AOAH: variants seen among roughly 807,000 people sequenced by gnomAD.
AOAH encodes acyloxyacyl hydrolase.
AOAH carries 64 observed loss-of-function variants against 92.2 expected under a neutral mutation model. The observed-to-expected ratio is 0.69, with a 90% CI of 0.57 to 0.86. The LOEUF (loss-of-function observed/expected upper bound fraction) is 0.86. AOAH is among the 40% of genes least tolerant of loss of function. The probability of loss-of-function intolerance (pLI) is 0.00; values close to 1 mark genes in which losing one functional copy is unlikely to be tolerated. For missense variants in AOAH, 656 were observed against 694.6 expected (o/e 0.94, Z 0.62); for synonymous variants, 263 against 254.5 (o/e 1.03, Z -0.32).
chr7:36,601,123 TAG>T (rs1790549362), intron 11 of AOAH, among the ~76,000 whole-genome samples: 1 of 152,094 alleles, frequency 6.6e-6, no homozygotes, highest in African/African-American at 2.4e-5. Flanking sequence ...TCTGGGAGAA[TAG>T]AGAGAGGATA....
intron 14 of AOAH, among the ~76,000 whole-genome samples, chr7:36,549,087 C>T (rs146684738): frequency 6.6e-6 from 1 of 152,302 alleles, no homozygotes; most frequent in East Asian, 1.9e-4. Context: ...AAGGCAAAGG[C>T]TTCTTGAGGC....
intron 2 of AOAH, among the ~76,000 whole-genome samples, chr7:36,681,815 T>A (rs1796663010): frequency 6.6e-6 from 1 of 151,856 alleles, no homozygotes; most frequent in Non-Finnish European, 1.5e-5. Context: ...AATAAATAAA[T>A]AAATAAATAA....
chr7:36,572,909 G>A (rs755016329), intron 13 of AOAH, among the ~76,000 whole-genome samples: 5 of 152,250 alleles, frequency 3.3e-5, no homozygotes, highest in Non-Finnish European at 7.3e-5. Flanking sequence ...TCTCCCCCAG[G>A]AGGATGGGGA....
At chr7:36,537,719 C>T (rs1391769178) in intron 16 of AOAH, among the ~76,000 whole-genome samples, 5 of 152,044 alleles carry the variant, frequency 3.3e-5, no homozygotes. Flanking sequence ...GGCAGGGTTT[C>T]ACCATGTTGG....
At chr7:36,669,426 A>G (rs1017956832) in intron 3 of AOAH, among the ~76,000 whole-genome samples, 14 of 135,062 alleles carry the variant, frequency 1.0e-4, no homozygotes, top group Non-Finnish European at 2.1e-4. Flanking sequence ...TCTGTTGCCC[A>G]GGCTGGAGTG....
chr7:36,581,693 G>A (rs1256921304), intron 12 of AOAH, among the ~76,000 whole-genome samples: 1 of 152,158 alleles, frequency 6.6e-6, no homozygotes, highest in African/African-American at 2.4e-5. Flanking sequence ...TGCTCATGAA[G>A]AGTAAATAGT....
At chr7:36,678,885 T>C (rs569578605) in intron 2 of AOAH, among the ~76,000 whole-genome samples, 3 of 152,304 alleles carry the variant, frequency 2.0e-5, no homozygotes, top group South Asian at 4.1e-4. Context: ...TTGTTACTGA[T>C]ACACCTGAAG....
chr7:36,659,337 G>T, intron 3 of AOAH, 72 bp from the exon 4 acceptor site: 1 of 1,276,086 alleles, frequency 7.8e-7, no homozygotes, highest in Non-Finnish European at 1.1e-6. Flanking sequence ...CTACTGCAAA[G>T]AAAGGTAAAT....
intron 1 of AOAH, among the ~76,000 whole-genome samples, chr7:36,700,195 A>T (rs1797948091): frequency 6.6e-6 from 1 of 152,022 alleles, no homozygotes; most frequent in Non-Finnish European, 1.5e-5. Context: ...ACATTTGTAT[A>T]CATATAAGGG....
At chr7:36,707,009 T>G (rs916824782) in intron 1 of AOAH, among the ~76,000 whole-genome samples, 36 of 149,886 alleles carry the variant, frequency 2.4e-4, no homozygotes, top group Non-Finnish European at 4.3e-4. Context: ...AGTGGAATAG[T>G]GCTTTAATTT....
chr7:36,593,696 G>A (rs1789906848), intron 12 of AOAH, among the ~76,000 whole-genome samples: 1 of 152,188 alleles, frequency 6.6e-6, no homozygotes, highest in Non-Finnish European at 1.5e-5. Flanking sequence ...TCCCATCCAA[G>A]TACTAACCAG....
intron 13 of AOAH, among the ~76,000 whole-genome samples, chr7:36,559,148 C>T (rs1201225292): frequency 1.3e-5 from 2 of 152,232 alleles, no homozygotes; most frequent in African/African-American, 4.8e-5. Flanking sequence ...ATTCAATCCA[C>T]TGTTATGGGC....
At chr7:36,537,441 G>A (rs13307569) in intron 16 of AOAH, among the ~76,000 whole-genome samples, 53,229 of 151,018 alleles carry the variant, frequency 0.35, 9,501 homozygotes, top group Middle Eastern at 0.4. Flanking sequence ...GTGCCGTCTC[G>A]TGCATTGTAG....
chr7:36,631,109 G>C (rs1351112764), intron 6 of AOAH, among the ~76,000 whole-genome samples: 1 of 152,216 alleles, frequency 6.6e-6, no homozygotes, highest in Non-Finnish European at 1.5e-5. Flanking sequence ...ACTTTGGGAG[G>C]CTGAGGTGGG....
rs143912862 is a variant in AOAH at position 36,590,108 on chromosome 7, C to T, written c.938+4231G>A. On this transcript the variant is annotated intron_variant, in intron 12 of 20. Transcript: ENST00000617537. ...GCTAAGGACTACAAGTACATGCCAC[C>T]ATGCCAGGCTAATTAAAAAAAAATA... Among the ~76,000 whole-genome samples the T allele has an allele frequency of 2.6e-5, 4 of 152,002 alleles. No homozygotes were observed. The East Asian group carries it at 7.7e-4, about 29-fold the overall frequency.
chr7:36,538,854 T>A (rs1269037969), intron 16 of AOAH, among the ~76,000 whole-genome samples: 1 of 152,192 alleles, frequency 6.6e-6, no homozygotes, highest in East Asian at 1.9e-4. Flanking sequence ...TTTGCTTGGA[T>A]GATAATATTT....
chr7:36,573,972 A>G lies in AOAH; in HGVS notation c.1021+2602T>C, dbSNP rs142390099. 1.2e-4 allele frequency among the ~76,000 whole-genome samples: 19 copies of G among 152,248 alleles called. No individual in the cohort carries two copies. The East Asian group carries it at 3.3e-3, about 26-fold the overall frequency. Reference sequence around the variant, plus strand: ...AAAGTGAAAAGCTGACTTTTCCTATATCTAATAAAAACCTTGGAGAGTAAT... The same window carrying G: ...AAAGTGAAAAGCTGACTTTTCCTATGTCTAATAAAAACCTTGGAGAGTAAT... On this transcript the variant is annotated intron_variant, in intron 13 of 20. Transcript: ENST00000617537.
At chr7:36,712,413 G>A (rs544089901) in intron 1 of AOAH, among the ~76,000 whole-genome samples, 2 of 152,152 alleles carry the variant, frequency 1.3e-5, no homozygotes, top group South Asian at 2.1e-4. Context: ...TTAAAAAAAC[G>A]AACATTCAGT....
In AOAH at chr7:36,700,714, T is replaced by C. The variant is rs1041694397; in HGVS notation, c.128-13920A>G. Among the ~76,000 whole-genome samples the C allele has an allele frequency of 2.0e-5, 3 of 152,112 alleles. No individual in the cohort carries two copies. The East Asian group carries it at 5.8e-4, about 29-fold the overall frequency. ...GGTAGATGCCCAGTAGTGGGATTGATGGTTTGAAAAGTAGTTCTATTTTTA... is the reference window on the plus strand; with the variant it reads ...GGTAGATGCCCAGTAGTGGGATTGACGGTTTGAAAAGTAGTTCTATTTTTA... On this transcript the variant is annotated intron_variant, in intron 1 of 20. Coordinates refer to ENST00000617537, the MANE Select transcript of AOAH (RefSeq NM_001637.4).
Sources: gnomAD v4.1 joint callset for allele counts (sites outside exome capture counted in the v4.1 genomes callset) on GRCh38, gnomAD v4.1.1 for gene constraint, MANE v1.5 for transcripts, NCBI Gene and HGNC (gene_info 2026-07-23, HGNC 2026-07-21) for gene names.